LDHAL6A: variants seen among roughly 807,000 people sequenced by gnomAD.
LDHAL6A encodes lactate dehydrogenase A like 6A.
Under a neutral mutation model 28.2 loss-of-function variants are expected in LDHAL6A, and 19 were observed. The observed-to-expected ratio is 0.67, with a 90% CI of 0.47 to 0.99. The LOEUF is 0.99. Ranked by LOEUF, LDHAL6A falls within the 50% of genes least tolerant of loss-of-function variation. LDHAL6A has a pLI of 0.00. For synonymous variants in LDHAL6A, 144 were observed against 134.4 expected (o/e 1.07, Z -0.49); for missense variants, 372 against 398.6 (o/e 0.93, Z 0.57).
chr11:18,468,034 T>TAC lies in LDHAL6A; in HGVS notation c.418+2225_418+2226insCA, dbSNP rs1253823645. 4.0e-4 allele frequency among the ~76,000 whole-genome samples: 6 copies of TAC among 15,006 alleles called. 1 individual carries two copies. The East Asian group carries it at 0.026, about 66-fold the overall frequency. The allele number at this position is 15,006 out of a possible 152,430, so 9.8% of individuals were successfully genotyped here. A position where few individuals can be genotyped will look rare whatever the true frequency, so the allele number is the denominator to read the frequency against. Reference sequence around the variant, plus strand: ...ATATACATATATATACGTATATATATATACATATATATACGTATATATATA... The same window carrying TAC: ...ATATACATATATATACGTATATATATACATACATATATATACGTATATATATA... On this transcript the variant is annotated intron_variant, in intron 3 of 6. Transcript: ENST00000280706.
chr11:18,456,451 T>C lies in LDHAL6A; in HGVS notation c.-230T>C. 2.0e-6 allele frequency: 1 copy of C among 509,542 alleles called. No individual in the cohort carries two copies. The highest frequency in any genetic ancestry group is 3.7e-5 in the East Asian group (1 of 27,222). 31.6% of individuals were successfully genotyped at this position (509,542 alleles called of 1,614,324 possible). On this transcript the variant is annotated 5_prime_UTR_variant, in exon 1 of 7. Transcript: ENST00000280706. ...CCTCTTAACTGTACTCACGCTTCCTTCTCCTTCCCCTGGTCCGCTTCATGG... is the reference window on the plus strand; with the variant it reads ...CCTCTTAACTGTACTCACGCTTCCTCCTCCTTCCCCTGGTCCGCTTCATGG...
chr11:18,465,596 TTTTC>T, intron 2 of LDHAL6A, 37 bp from the exon 3 acceptor site: 1 of 1,550,878 alleles, frequency 6.4e-7, no homozygotes, highest in Non-Finnish European at 8.8e-7. Flanking sequence ...ATGCCAGATG[TTTTC>T]TTTCATAATC....
chr11:18,478,173 G>A (rs1849436815), intron 6 of LDHAL6A, among the ~76,000 whole-genome samples: 9 of 152,126 alleles, frequency 5.9e-5, no homozygotes, highest in Admixed American at 5.9e-4. Flanking sequence ...GGGCATGGGT[G>A]AGATCCCTCT....
At chr11:18,463,690 G>A (rs1848980805) in intron 1 of LDHAL6A, among the ~76,000 whole-genome samples, 1 of 152,060 alleles carries the variant, frequency 6.6e-6, no homozygotes, top group African/African-American at 2.4e-5. Context: ...TTGAAAATCG[G>A]GGTGTTCACT....
In LDHAL6A at chr11:18,468,026, TATATATATATAC is replaced by T. The variant is rs1849157483; in HGVS notation, c.418+2226_418+2237del. 7.4e-5 allele frequency among the ~76,000 whole-genome samples: 4 copies of T among 53,756 alleles called. 1 individual carries two copies. Among genetic ancestry groups the T allele is most frequent in the African/African-American group, 4.2e-4 (4 of 9,424 alleles). 35.3% of individuals were successfully genotyped at this position (53,756 alleles called of 152,430 possible). ...ACGTATATATATACATATATATACG[TATATATATATAC>T]ATATATATACGTATATATATATACA... On this transcript the variant is annotated intron_variant, in intron 3 of 6. Coordinates refer to ENST00000280706, the MANE Select transcript of LDHAL6A (RefSeq NM_144972.5).
At chr11:18,466,980 C>T (rs755076471) in intron 3 of LDHAL6A, among the ~76,000 whole-genome samples, 1 of 152,058 alleles carries the variant, frequency 6.6e-6, no homozygotes, top group Non-Finnish European at 1.5e-5. Context: ...TTCCATTTAA[C>T]TGGGTTGGTA....
At position 18,478,863 on chromosome 11, in the gene LDHAL6A, A is replaced by G. The variant is rs752100753; in HGVS notation, c.992A>G (p.Lys331Arg). Reference sequence around the variant, plus strand: ...CTTTGGGAAATTCAGAAGGAGCTCAAGCTTTAAAGTTGCTTAAAGCTAATT... The same window carrying G: ...CTTTGGGAAATTCAGAAGGAGCTCAGGCTTTAAAGTTGCTTAAAGCTAATT... ...ETLWEIQKEL[K>R]L Residue 331 changes from lysine (K) to arginine (R), a missense_variant, in exon 7 of 7, where the codon AAG (lysine) becomes AGG (arginine). Lys to Arg is a conservative substitution (Grantham distance 26). This residue lies in a region of LDHAL6A where 291 missense variants were observed against 302.9 expected (regional missense o/e 0.96). Transcript: ENST00000280706. The G allele has an allele frequency of 3.7e-6, 6 of 1,611,650 alleles. No homozygotes were observed. The highest frequency in any genetic ancestry group is 2.2e-5 in the East Asian group (1 of 44,866).
intron 3 of LDHAL6A, among the ~76,000 whole-genome samples, chr11:18,467,547 G>C (rs1202793980): frequency 6.6e-6 from 1 of 151,874 alleles, no homozygotes; most frequent in Non-Finnish European, 1.5e-5. Context: ...GATGTATTAA[G>C]TCTTCTGACT....
chr11:18,464,530 C>T (rs192026356), intron 2 of LDHAL6A, among the ~76,000 whole-genome samples: 1 of 152,080 alleles, frequency 6.6e-6, no homozygotes, highest in African/African-American at 2.4e-5. Flanking sequence ...GCCTGACTAA[C>T]ATACAGAAAC....
In LDHAL6A at chr11:18,476,384, T is replaced by A; in HGVS notation, c.593T>A (p.Val198Asp). The change falls in exon 5 of 7, where the codon GTT becomes GAT. Residue 198 changes from valine (V) to aspartate (D), a missense_variant and splice_region_variant. Coordinates refer to ENST00000280706, the MANE Select transcript of LDHAL6A (RefSeq NM_144972.5). ...GGGATTTTGGGTGTCTCTTTCTTAG[T>A]TCCTGTGTGGAGTGGTGTGAACATT... ...LILGEHGDSS[V>D]PVWSGVNIAG... 6.2e-7 allele frequency: 1 copy of A among 1,611,956 alleles called. No individual in the cohort carries two copies. Among genetic ancestry groups the A allele is most frequent in the Non-Finnish European group, 8.5e-7 (1 of 1,179,282 alleles).
At chr11:18,478,550 A>T (rs1849450888) in intron 6 of LDHAL6A, among the ~76,000 whole-genome samples, 156 bp from the exon 7 acceptor site, 1 of 151,976 alleles carries the variant, frequency 6.6e-6, no homozygotes, top group Non-Finnish European at 1.5e-5. Flanking sequence ...ACAGAGCAAG[A>T]GTCCGTCTCA....
chr11:18,463,830 T>A, intron 1 of LDHAL6A, 131 bp from the exon 2 acceptor site: 2 of 624,286 alleles, frequency 3.2e-6, no homozygotes, highest in Admixed American at 5.3e-5. Context: ...AATGATGAGA[T>A]CATTTATTAT....
In LDHAL6A at chr11:18,465,782, C is replaced by G; in HGVS notation, c.390C>G (p.His130Gln). 6.2e-7 allele frequency: 1 copy of G among 1,611,380 alleles called. No individual in the cohort carries two copies. Among genetic ancestry groups the G allele is most frequent in the Non-Finnish European group, 8.5e-7 (1 of 1,179,130 alleles). Residue 130 changes from histidine (H) to glutamine (Q), a missense_variant, in exon 3 of 7, where the codon CAC (histidine) becomes CAG (glutamine). Physicochemically the swap from His to Gln is conservative, Grantham distance 24 (BLOSUM62 0). Coordinates refer to ENST00000280706, the MANE Select transcript of LDHAL6A (RefSeq NM_144972.5). Reference sequence around the variant, plus strand: ...CCAATATTACCCAGTACAGTCCTCACTGCAAACTGCTTATTGTTACTAATC... The same window carrying G: ...CCAATATTACCCAGTACAGTCCTCAGTGCAAACTGCTTATTGTTACTAATC... Reference protein sequence around the residue: ...MIPNITQYSPHCKLLIVTNPV... With the variant: ...MIPNITQYSPQCKLLIVTNPV...
chr11:18,459,172 C>T (rs891931241), intron 1 of LDHAL6A, among the ~76,000 whole-genome samples: 63 of 152,008 alleles, frequency 4.1e-4, no homozygotes, highest in African/African-American at 1.5e-3. Flanking sequence ...CATTTGAGTC[C>T]GAGGACTGAG....
chr11:18,469,863 T>C (rs1849215064), intron 3 of LDHAL6A, among the ~76,000 whole-genome samples: 1 of 152,212 alleles, frequency 6.6e-6, no homozygotes, highest in Non-Finnish European at 1.5e-5. Flanking sequence ...ACTGACAACT[T>C]TAAATTAGTA....
intron 3 of LDHAL6A, 135 bp downstream of exon 3, chr11:18,465,945 C>T (rs1421507385): frequency 1.1e-4 from 72 of 635,058 alleles, no homozygotes; most frequent in Non-Finnish European, 2.7e-5. Context: ...AGCAAAGTAC[C>T]TAATAGTTTT....
intron 1 of LDHAL6A, among the ~76,000 whole-genome samples, chr11:18,457,232 C>T (rs947738492): frequency 3.3e-5 from 5 of 152,176 alleles, no homozygotes; most frequent in African/African-American, 1.2e-4. Context: ...GTCTGTATAT[C>T]TTTATTTCCC....
rs1565070892 is a variant in LDHAL6A at position 18,467,904 on chromosome 11, TATATATATATATATAC to T, written c.418+2096_418+2111del. Among the ~76,000 whole-genome samples, 46 of 72,956 alleles carry T rather than the reference TATATATATATATATAC, an allele frequency of 6.3e-4. 5 individuals carry two copies. The East Asian group carries it at 0.014, about 22-fold the overall frequency. 47.9% of individuals were successfully genotyped at this position (72,956 alleles called of 152,430 possible). A position where few individuals can be genotyped will look rare whatever the true frequency, so the allele number is the denominator to read the frequency against. On this transcript the variant is annotated intron_variant, in intron 3 of 6. Coordinates refer to ENST00000280706, the MANE Select transcript of LDHAL6A (RefSeq NM_144972.5). ...ACATATATATATATATATATATATA[TATATATATATATATAC>T]ACACACATATATATATACACACACA...
At chr11:18,457,353 C>G (rs1399955660) in intron 1 of LDHAL6A, among the ~76,000 whole-genome samples, 1 of 152,108 alleles carries the variant, frequency 6.6e-6, no homozygotes, top group Non-Finnish European at 1.5e-5. Flanking sequence ...ATTCTGACCC[C>G]TTTCTAAGAA....
Sources: allele counts gnomAD v4.1 joint callset (sites outside exome capture counted in the v4.1 genomes callset), GRCh38; gene constraint gnomAD v4.1.1; regional missense constraint gnomAD v4.1.1; transcripts MANE v1.5; gene names NCBI Gene and HGNC (gene_info 2026-07-23, HGNC 2026-07-21).